NTM: variants seen among roughly 807,000 people sequenced by gnomAD.
The protein encoded by NTM is neurotrimin, also known as IgLON family member 2.
NTM carries 13 observed loss-of-function variants against 42.1 expected under a neutral mutation model. The observed-to-expected ratio is 0.31, with a 90% CI of 0.20 to 0.49. NTM has a LOEUF of 0.49. NTM is among the 20% of genes least tolerant of loss of function. The probability of loss-of-function intolerance (pLI) is 0.99; values close to 1 mark genes in which losing one functional copy is unlikely to be tolerated. For synonymous variants in NTM, 187 were observed against 179.2 expected (o/e 1.04, Z -0.35); for missense variants, 373 against 452.8 (o/e 0.82, Z 1.60).
In NTM at chr11:131,774,061, G is replaced by A. The variant is rs1017370765; in HGVS notation, c.83-137503G>A. 4.1e-6 allele frequency: 4 copies of A among 984,514 alleles called. No homozygotes were observed. In the East Asian group the frequency reaches 4.5e-4, roughly 112 times the overall value. The allele number at this position is 984,514 out of a possible 1,614,324, so 61.0% of individuals were successfully genotyped here. A position where few individuals can be genotyped will look rare whatever the true frequency, so the allele number is the denominator to read the frequency against. ...GGTGTCATTGACTTTGCCTTCCTCT[G>A]TTGTTCCAATGTTGTTCCAAAATTG... On this transcript the variant is annotated intron_variant, in intron 1 of 8. Coordinates refer to ENST00000683400, the MANE Select transcript of NTM (RefSeq NM_001352005.2).
At chr11:131,929,576 G>A (rs769259247) in intron 2 of NTM, among the ~76,000 whole-genome samples, 1 of 151,864 alleles carries the variant, frequency 6.6e-6, no homozygotes, top group Non-Finnish European at 1.5e-5. Context: ...CACAGCCCTC[G>A]TGTAGAACCT....
intron 1 of NTM, among the ~76,000 whole-genome samples, chr11:131,383,852 A>G (rs1221056340): frequency 6.6e-6 from 1 of 152,182 alleles, no homozygotes; most frequent in Non-Finnish European, 1.5e-5. Context: ...GAAGTTGGGC[A>G]AGACTAGAGG....
At chr11:131,982,718 G>A (rs117046770) in intron 2 of NTM, among the ~76,000 whole-genome samples, 40 of 152,296 alleles carry the variant, frequency 2.6e-4, no homozygotes, top group African/African-American at 8.4e-4. Context: ...TTCATTACAC[G>A]TCATAAAGGA....
At chr11:132,203,505 A>C (rs1176587340) in intron 3 of NTM, among the ~76,000 whole-genome samples, 1 of 152,156 alleles carries the variant, frequency 6.6e-6, no homozygotes, top group Non-Finnish European at 1.5e-5. Flanking sequence ...TATGAAGCTT[A>C]GGGTTCTTTT....
At chr11:131,563,882 G>A (rs1450509348) in intron 1 of NTM, among the ~76,000 whole-genome samples, 1 of 152,048 alleles carries the variant, frequency 6.6e-6, no homozygotes, top group Admixed American at 6.6e-5. Flanking sequence ...GGCCCCTAGA[G>A]CAAACCATCT....
chr11:132,136,219 T>C (rs1444562222), intron 2 of NTM, among the ~76,000 whole-genome samples: 1 of 152,098 alleles, frequency 6.6e-6, no homozygotes, highest in African/African-American at 2.4e-5. Context: ...CCTCCGTAGA[T>C]GGTAGAAATG....
chr11:132,015,740 T>A (rs1052782744), intron 2 of NTM, among the ~76,000 whole-genome samples: 23 of 151,932 alleles, frequency 1.5e-4, no homozygotes, highest in Admixed American at 8.6e-4. Flanking sequence ...TGTATAGAAA[T>A]GCTACTGATT....
At chr11:132,129,164 T>C (rs2066387115) in intron 2 of NTM, among the ~76,000 whole-genome samples, 1 of 152,118 alleles carries the variant, frequency 6.6e-6, no homozygotes, top group Non-Finnish European at 1.5e-5. Flanking sequence ...ATTGGTCATA[T>C]ATTCTAGAAG....
chr11:131,448,748 T>C (rs12573936), intron 1 of NTM, among the ~76,000 whole-genome samples: 37,244 of 152,168 alleles, frequency 0.24, 5,559 homozygotes, highest in East Asian at 0.72. Flanking sequence ...CCTCTCTGTC[T>C]AGGGCTGATG....
At chr11:131,877,331 G>T (rs114632786) in intron 1 of NTM, among the ~76,000 whole-genome samples, 3 of 152,128 alleles carry the variant, frequency 2.0e-5, no homozygotes, top group Non-Finnish European at 2.9e-5. Context: ...GGCTTTTCTC[G>T]CCTGGCCTCT....
intron 1 of NTM, chr11:131,795,198 T>A: frequency 3.0e-6 from 1 of 328,400 alleles, no homozygotes; most frequent in Non-Finnish European, 4.4e-6. Context: ...GGTGAAGGCT[T>A]ACTCACGGCA....
chr11:131,456,849 GC>G (rs113788890), intron 1 of NTM, among the ~76,000 whole-genome samples: 9,217 of 152,094 alleles, frequency 0.061, 651 homozygotes, highest in East Asian at 0.21. Flanking sequence ...TGGATTATTT[GC>G]TGGACCTAAG....
chr11:131,945,832 A>G (rs1012514669), intron 2 of NTM, among the ~76,000 whole-genome samples: 6 of 152,214 alleles, frequency 3.9e-5, no homozygotes, highest in Non-Finnish European at 2.9e-5. Context: ...AGGAATCTTC[A>G]GGAGACACAA....
At chr11:131,509,513 A>C (rs1007580999) in intron 1 of NTM, among the ~76,000 whole-genome samples, 1 of 152,180 alleles carries the variant, frequency 6.6e-6, no homozygotes, top group Admixed American at 6.5e-5. Flanking sequence ...GGCAAATCTT[A>C]AGCAAGCAGT....
intron 1 of NTM, among the ~76,000 whole-genome samples, chr11:131,633,718 CCT>C (rs147050089): frequency 0.046 from 601 of 13,116 alleles, 28 homozygotes; most frequent in Middle Eastern, 0.12. Flanking sequence ...TCTCTCCCTC[CCT>C]CTCTCTCTCT....
At chr11:131,393,838 T>C (rs1944284628) in intron 1 of NTM, among the ~76,000 whole-genome samples, 1 of 152,236 alleles carries the variant, frequency 6.6e-6, no homozygotes, top group African/African-American at 2.4e-5. Flanking sequence ...CAGTGATACG[T>C]GCAATTGGGA....
chr11:132,177,004 T>C (rs1324988268), intron 3 of NTM, among the ~76,000 whole-genome samples: 1 of 152,076 alleles, frequency 6.6e-6, no homozygotes, highest in Non-Finnish European at 1.5e-5. Flanking sequence ...GCCAAAGTGC[T>C]GGGGTTACAG....
intron 1 of NTM, among the ~76,000 whole-genome samples, chr11:131,842,432 C>T (rs74825652): frequency 7.2e-5 from 11 of 152,006 alleles, no homozygotes; most frequent in Non-Finnish European, 1.0e-4. Flanking sequence ...TCGTGGTTTC[C>T]GTTTCATTTC....
At chr11:131,787,532 C>T (rs140187274) in intron 1 of NTM, among the ~76,000 whole-genome samples, 46 of 151,886 alleles carry the variant, frequency 3.0e-4, no homozygotes, top group Non-Finnish European at 2.2e-4. Context: ...GCTACAGGCA[C>T]GCAGCACCAT....
Sources: allele counts gnomAD v4.1 joint callset (sites outside exome capture counted in the v4.1 genomes callset), GRCh38; gene constraint gnomAD v4.1.1; transcripts MANE v1.5; gene names NCBI Gene and HGNC (gene_info 2026-07-23, HGNC 2026-07-21).